The following ZNF497 variants were observed in gnomAD, a reference collection of about 807,000 sequenced individuals.
ZNF497 encodes zinc finger protein 497.
For missense variants in ZNF497, 930 were observed against 714.0 expected (o/e 1.30, Z -3.45); for synonymous variants, 422 against 313.7 (o/e 1.35, Z -3.65).
Position 58,355,150 on chromosome 19 carries a change from G to A in ZNF497, c.*989C>T, listed in dbSNP as rs1415325614. ...TCAGTCCCTAACTTATATCCCCTCT[G>A]TTTGAAATACCTAGTGTGGTTTCTA... On this transcript the variant is annotated 3_prime_UTR_variant, in exon 3 of 3. Coordinates refer to ENST00000311044, the MANE Select transcript of ZNF497 (RefSeq NM_198458.3). 6.6e-6 allele frequency: 1 copy of A among 152,150 alleles called. No individual in the cohort carries two copies. Among genetic ancestry groups the A allele is most frequent in the African/African-American group, 2.4e-5 (1 of 41,338 alleles). The allele number at this position is 152,150 out of a possible 1,614,324, so 9.4% of individuals were successfully genotyped here.
chr19:58,357,028 G>T lies in ZNF497; in HGVS notation c.608C>A (p.Thr203Asn), dbSNP rs926843236. Residue 203 changes from threonine (T) to asparagine (N), a missense_variant, in exon 3 of 3, where the codon ACC (threonine) becomes AAC (asparagine). By Grantham distance (65) the Thr-to-Asn change is moderately conservative. Coordinates refer to ENST00000311044, the MANE Select transcript of ZNF497 (RefSeq NM_198458.3). ...PDCGKSFGRS[T>N]TLVQHRRTHT... ...CGTGCGTCGGTGCTGCACCAGCGTG[G>T]TGCTTCGGCCGAAGGACTTGCCGCA... 4 of 1,610,392 alleles carry T rather than the reference G, an allele frequency of 2.5e-6. No individual in the cohort carries two copies. The Admixed American group carries it at 5.0e-5, about 20-fold the overall frequency.
At chr19:58,359,221 G>A (rs769821725) in intron 1 of ZNF497, 1 of 1,290,740 alleles carries the variant, frequency 7.7e-7, no homozygotes, top group South Asian at 1.2e-5. Context: ...GACTCGGGAA[G>A]ACCTGGGGGG....
rs2052034879 is a variant in ZNF497 at position 58,357,116 on chromosome 19, G to A, written c.520C>T (p.His174Tyr). The A allele has an allele frequency of 6.2e-7, 1 of 1,607,258 alleles. No homozygotes were observed. The highest frequency in any genetic ancestry group is 1.3e-5 in the African/African-American group (1 of 74,210). ...CRECGKAFRA[H>Y]SQLIHHQETH... The stretch of plus-strand genomic sequence containing the variant: ...TCCTGGTGGTGGATGAGCTGCGAGT[G>A]CGCGCGGAAGGCCTTGCCGCACTCC... The change falls in exon 3 of 3, where the codon CAC (histidine) becomes TAC (tyrosine). Residue 174 changes from histidine to tyrosine, a missense_variant. His to Tyr is a moderately conservative substitution (Grantham distance 83). Transcript: ENST00000311044.
rs959112193 is a variant in ZNF497 at position 58,356,745 on chromosome 19, G to A, written c.891C>T (p.Ser297=). ...AGLRQHRRTH[S]SEKPFPCAEC... is the part of the protein sequence containing the mutation. The stretch of plus-strand genomic sequence containing the variant: ...CGGCGCAGGGGAAGGGCTTCTCGCT[G>A]CTGTGCGTGCGCCGGTGCTGCCGCA... The change falls in exon 3 of 3, where the codon AGC becomes AGT. Residue 297 remains serine (S), a synonymous_variant. Coordinates refer to ENST00000311044, the MANE Select transcript of ZNF497 (RefSeq NM_198458.3). The A allele has an allele frequency of 5.8e-6, 9 of 1,563,518 alleles. No homozygotes were observed. The Admixed American group carries it at 1.3e-4, about 23-fold the overall frequency.
rs1420458979 is a variant in ZNF497 at position 58,355,652 on chromosome 19, G to C, written c.*487C>G. The C allele has an allele frequency of 8.4e-5, 13 of 155,554 alleles. No homozygotes were observed. The Admixed American group carries it at 8.4e-4, about 10-fold the overall frequency. 9.6% of individuals were successfully genotyped at this position (155,554 alleles called of 1,614,324 possible). ...AGACACTAGAAAGCCATAGCATGCG[G>C]TTTCATCATGTTTAACTGTCACCTG... is the stretch of plus-strand genomic sequence containing the variant. On this transcript the variant is annotated 3_prime_UTR_variant, in exon 3 of 3. Transcript: ENST00000311044.
rs755745910 is a variant in ZNF497, at chr19:58,356,904, C to G, written c.732G>C (p.Arg244=). 2 of 1,591,040 alleles carry G rather than the reference C, an allele frequency of 1.3e-6. No individual in the cohort carries two copies. Among genetic ancestry groups the G allele is most frequent in the South Asian group, 2.2e-5 (2 of 89,728 alleles). ...LEHRRVHTGA[R]PHACRDCGKA... The stretch of plus-strand genomic sequence containing the variant: ...TGCCACAGTCCCGGCAGGCGTGCGG[C>G]CGCGCGCCCGTGTGCACGCGCCGGT... Residue 244 remains arginine (R), a synonymous_variant, in exon 3 of 3, where the codon CGG becomes CGC. Coordinates refer to ENST00000311044, the MANE Select transcript of ZNF497 (RefSeq NM_198458.3).
chr19:58,359,859 G>T (rs1035074551), intron 1 of ZNF497, among the ~76,000 whole-genome samples: 2 of 151,998 alleles, frequency 1.3e-5, no homozygotes, highest in Non-Finnish European at 2.9e-5. Context: ...TGTAATCCCA[G>T]CTACTCGGGA....
chr19:58,357,748 A>T, intron 2 of ZNF497, 99 bp from the exon 3 acceptor site: 1 of 1,257,250 alleles, frequency 8.0e-7, no homozygotes, highest in Non-Finnish European at 1.1e-6. Flanking sequence ...GTCATCCCCC[A>T]CTCTTCTCCT....
At chr19:58,357,727 G>A in intron 2 of ZNF497, 78 bp from the exon 3 acceptor site, 1 of 1,369,072 alleles carries the variant, frequency 7.3e-7, no homozygotes, top group Non-Finnish European at 9.6e-7. Context: ...GGACACGACG[G>A]TGGGTGGGCT....
Position 58,356,102 on chromosome 19 carries a change from C to G in ZNF497, c.*37G>C. 1 of 1,499,082 alleles carries G rather than the reference C, an allele frequency of 6.7e-7. No individual in the cohort carries two copies. Among genetic ancestry groups the G allele is most frequent in the Non-Finnish European group, 8.9e-7 (1 of 1,129,868 alleles). The allele number at this position is 1,499,082 out of a possible 1,614,324, so 92.9% of individuals were successfully genotyped here. A position where few individuals can be genotyped will look rare whatever the true frequency, so the allele number is the denominator to read the frequency against. ...ACTCACGCCCGAGACCCCGCAATGC[C>G]GTGTGTCCGCGACCTCCCGCTCAGG... On this transcript the variant is annotated 3_prime_UTR_variant, in exon 3 of 3. Coordinates refer to ENST00000311044, the MANE Select transcript of ZNF497 (RefSeq NM_198458.3).
chr19:58,356,900 G>A lies in ZNF497; in HGVS notation c.736C>T (p.His246Tyr). 1.3e-6 allele frequency: 2 copies of A among 1,588,368 alleles called. No homozygotes were observed. The highest frequency in any genetic ancestry group is 1.7e-6 in the Non-Finnish European group (2 of 1,172,582). The part of the protein sequence containing the change: ...HRRVHTGARP[H>Y]ACRDCGKAFS... ...GCCTTGCCACAGTCCCGGCAGGCGTGCGGCCGCGCGCCCGTGTGCACGCGC... is the reference window on the plus strand; with the variant it reads ...GCCTTGCCACAGTCCCGGCAGGCGTACGGCCGCGCGCCCGTGTGCACGCGC... The change falls in exon 3 of 3, where the codon CAC (histidine) becomes TAC (tyrosine). Residue 246 changes from histidine (H) to tyrosine (Y), a missense_variant. Transcript: ENST00000311044.
rs1330047450 is a variant in ZNF497, at chr19:58,362,660, C to T, written c.-112+17G>A. ...CGGATCTGTGCCTGGCCGAGGGTGT[C>T]CGTCGGCGTCACTCACCGTCCTCGG... is the stretch of plus-strand genomic sequence containing the variant. On this transcript the variant is annotated intron_variant, in intron 1 of 2. Transcript: ENST00000311044. 6.6e-6 allele frequency: 1 copy of T among 152,134 alleles called. No individual in the cohort carries two copies. The highest frequency in any genetic ancestry group is 1.5e-5 in the Non-Finnish European group (1 of 67,996). The allele number at this position is 152,134 out of a possible 1,614,324, so 9.4% of individuals were successfully genotyped here.
chr19:58,358,591 G>A lies in ZNF497; in HGVS notation c.-111-6C>T. 2 of 1,185,164 alleles carry A rather than the reference G, an allele frequency of 1.7e-6. No homozygotes were observed. Among genetic ancestry groups the A allele is most frequent in the South Asian group, 1.5e-5 (1 of 64,840 alleles). The allele number at this position is 1,185,164 out of a possible 1,614,324, so 73.4% of individuals were successfully genotyped here. A position where few individuals can be genotyped will look rare whatever the true frequency, so the allele number is the denominator to read the frequency against. The stretch of plus-strand genomic sequence containing the variant: ...TGGGGCCTGGGGGCTGGCACCTGGG[G>A]ACAGGAAGGCAGCAGGGCAGGGTGA... On this transcript the variant is annotated splice_polypyrimidine_tract_variant and splice_region_variant and intron_variant, in intron 1 of 2. Coordinates refer to ENST00000311044, the MANE Select transcript of ZNF497 (RefSeq NM_198458.3).
intron 2 of ZNF497, 141 bp from the exon 3 acceptor site, chr19:58,357,790 G>A (rs1001185552): frequency 8.3e-7 from 1 of 1,201,556 alleles, no homozygotes; most frequent in African/African-American, 1.5e-5. Context: ...GCCCTCTGGA[G>A]CCTGGAGCAG....
At position 58,356,588 on chromosome 19, in the gene ZNF497, G is replaced by A. The variant is rs1296249704; in HGVS notation, c.1048C>T (p.Arg350Cys). 2 of 1,546,878 alleles carry A rather than the reference G, an allele frequency of 1.3e-6. No homozygotes were observed. The highest frequency in any genetic ancestry group is 4.9e-5 in the East Asian group (2 of 41,206). ...TGAGGCTTCTCGCCCGTGTGCACGC[G>A]CCGGTGCTCCGCCAGGTAGGAGCCC... ...VMGSYLAEHR[R>C]VHTGEKPHAC... Residue 350 changes from arginine to cysteine, a missense_variant, in exon 3 of 3, where the codon CGC (arginine) becomes TGC (cysteine). Arg to Cys is a radical substitution (Grantham distance 180). Coordinates refer to ENST00000311044, the MANE Select transcript of ZNF497 (RefSeq NM_198458.3).
At chr19:58,359,216 G>C (rs752519490) in intron 1 of ZNF497, 12 of 1,290,600 alleles carry the variant, frequency 9.3e-6, no homozygotes, top group Non-Finnish European at 1.2e-5. Flanking sequence ...CAGTGGACTC[G>C]GGAAGACCTG....
At chr19:58,358,656 CGGTG>C in intron 1 of ZNF497, 71 bp from the exon 2 acceptor site, 21 of 793,138 alleles carry the variant, frequency 2.6e-5, no homozygotes, top group Non-Finnish European at 3.6e-5. Flanking sequence ...AAGGGGCATG[CGGTG>C]GCATGACCCA....
rs1454133724 is a variant in ZNF497, at chr19:58,356,334, G to A, written c.1302C>T (p.Arg434=). The change falls in exon 3 of 3, where the codon CGC becomes CGT. Residue 434 remains arginine, a synonymous_variant. Transcript: ENST00000311044. ...CGAACGGCCTCTCGCCAGAGTGCAG[G>A]CGCTGGTGCTGGCGCAGCTCGGAGC... is the stretch of plus-strand genomic sequence containing the variant. ...RGSSELRQHQ[R]LHSGERPFVC... 1 of 1,572,912 alleles carries A rather than the reference G, an allele frequency of 6.4e-7. No homozygotes were observed. Among genetic ancestry groups the A allele is most frequent in the South Asian group, 1.1e-5 (1 of 86,964 alleles).
intron 1 of ZNF497, among the ~76,000 whole-genome samples, chr19:58,361,722 G>T (rs1345947707): frequency 1.3e-5 from 2 of 152,162 alleles, no homozygotes; most frequent in Non-Finnish European, 2.9e-5. Flanking sequence ...TGCATTACTT[G>T]TTACTGCATG....
Sources: gnomAD v4.1 joint callset for allele counts (sites outside exome capture counted in the v4.1 genomes callset) on GRCh38, gnomAD v4.1.1 for gene constraint, MANE v1.5 for transcripts, NCBI Gene and HGNC (gene_info 2026-07-23, HGNC 2026-07-21) for gene names.